NSF: variants seen among roughly 807,000 people sequenced by gnomAD.
NSF encodes vesicle-fusing ATPase.
NSF carries 14 observed loss-of-function variants against 50.3 expected under a neutral mutation model. The ratio of observed to expected loss-of-function variants is 0.28; its 90% CI spans 0.18 to 0.44. NSF has a LOEUF of 0.44. NSF is among the 20% of genes least tolerant of loss of function. The probability of loss-of-function intolerance (pLI) is 1.00; values close to 1 mark genes in which losing one functional copy is unlikely to be tolerated. For missense variants in NSF, 218 were observed against 504.3 expected, an observed-to-expected ratio of 0.43 and a Z score of 5.44; for synonymous variants, 109 against 175.7, an observed-to-expected ratio of 0.62 and a Z score of 3.00.
chr17:46,709,683 T>C (rs1434517413), intron 13 of NSF, among the ~76,000 whole-genome samples: 2 of 152,084 alleles, frequency 1.3e-5, no homozygotes, highest in East Asian at 3.9e-4. Context: ...TTAGTATAGA[T>C]GGGGTTTCAC....
intron 15 of NSF, among the ~76,000 whole-genome samples, chr17:46,717,982 T>G (rs970999351): frequency 6.6e-6 from 1 of 152,200 alleles, no homozygotes; most frequent in Non-Finnish European, 1.5e-5. Context: ...CCAGATCTAC[T>G]TGGGGCTAGT....
chr17:46,748,887 G>C (rs1481324727), intron 17 of NSF, among the ~76,000 whole-genome samples: 1 of 152,182 alleles, frequency 6.6e-6, no homozygotes, highest in African/African-American at 2.4e-5. Context: ...ATAGTACTCT[G>C]CATGGCCTAG....
chr17:46,605,187 C>T (rs1169017463), intron 1 of NSF, among the ~76,000 whole-genome samples: 1 of 68,188 alleles, frequency 1.5e-5, no homozygotes, highest in Non-Finnish European at 3.2e-5. Flanking sequence ...CATGGTGGCT[C>T]ACGCCTGTAA....
chr17:46,735,467 A>G lies in NSF; in HGVS notation c.1908+6533A>G, dbSNP rs982392574. 2.9e-5 allele frequency among the ~76,000 whole-genome samples: 4 copies of G among 139,736 alleles called. No homozygotes were observed. In the South Asian group the frequency reaches 6.8e-4, roughly 24 times the overall value. The allele number at this position is 139,736 out of a possible 152,430, so 91.7% of individuals were successfully genotyped here. Reference sequence around the variant, plus strand: ...ACTCTTTGTATTGAACTTGAGGTTTAAAAAAAAAAAAAAGAAACCTATGTC... The same window carrying G: ...ACTCTTTGTATTGAACTTGAGGTTTGAAAAAAAAAAAAAGAAACCTATGTC... On this transcript the variant is annotated intron_variant, in intron 17 of 20. Transcript: ENST00000398238.
chr17:46,730,708 G>A (rs2058940622), intron 17 of NSF, among the ~76,000 whole-genome samples: 1 of 152,070 alleles, frequency 6.6e-6, no homozygotes, highest in African/African-American at 2.4e-5. Context: ...GGGCTCAAGT[G>A]TTTTCATATT....
chr17:46,662,139 A>G (rs372650479), intron 8 of NSF, among the ~76,000 whole-genome samples: 10 of 12,148 alleles, frequency 8.2e-4, no homozygotes, highest in South Asian at 2.5e-3. Flanking sequence ...CACCGTGCCT[A>G]GCCTTTTGTA....
In NSF at chr17:46,657,976, T is replaced by TA. The variant is rs1358898512; in HGVS notation, c.745+14717_745+14718insA. 1.0e-4 allele frequency among the ~76,000 whole-genome samples: 7 copies of TA among 67,584 alleles called. 1 individual carries two copies. Among genetic ancestry groups the TA allele is most frequent in the East Asian group, 4.9e-3 (2 of 410 alleles). The allele number at this position is 67,584 out of a possible 152,430, so 44.3% of individuals were successfully genotyped here. On this transcript the variant is annotated intron_variant, in intron 8 of 20. Transcript: ENST00000398238. ...TTTTTATTTTATTTTATTTATTTTTTTTTTTTTTGGCGGGGTGGGGTCTTT... is the reference window on the plus strand; with the variant it reads ...TTTTTATTTTATTTTATTTATTTTTTATTTTTTTTGGCGGGGTGGGGTCTTT...
intron 17 of NSF, among the ~76,000 whole-genome samples, chr17:46,733,930 T>TA (rs2058975014): frequency 1.3e-5 from 2 of 152,284 alleles, no homozygotes; most frequent in Admixed American, 6.5e-5. Context: ...AAGAGAGAAA[T>TA]ACAGCTTAAA....
At position 46,751,499 on chromosome 17, in the gene NSF, G is replaced by A. The variant is rs1469363087; in HGVS notation, c.2044-4G>A. 6.2e-7 allele frequency: 1 copy of A among 1,610,344 alleles called. No homozygotes were observed. The highest frequency in any genetic ancestry group is 8.5e-7 in the Non-Finnish European group (1 of 1,176,814). ...GCTTTGATTATTGTTTATTGTTTTT[G>A]TAGCTTTTGGGCAACTTCAAGGATA... On this transcript the variant is annotated splice_region_variant and splice_polypyrimidine_tract_variant and intron_variant, in intron 18 of 20. Transcript: ENST00000398238.
At chr17:46,743,239 T>G (rs1002483870) in intron 17 of NSF, among the ~76,000 whole-genome samples, 1 of 152,184 alleles carries the variant, frequency 6.6e-6, no homozygotes, top group Non-Finnish European at 1.5e-5. Flanking sequence ...GTGTTTGTTT[T>G]TGGGAAGAGA....
intron 19 of NSF, 95 bp from the exon 20 acceptor site, chr17:46,755,219 T>A (rs1177761210): frequency 2.3e-6 from 2 of 865,120 alleles, no homozygotes; most frequent in Non-Finnish European, 3.9e-6. Context: ...AGAGCATTGA[T>A]GAAGTGTGAA....
intron 19 of NSF, among the ~76,000 whole-genome samples, chr17:46,752,346 A>G (rs941194309): frequency 6.6e-6 from 1 of 152,196 alleles, no homozygotes; most frequent in African/African-American, 2.4e-5. Flanking sequence ...GGTAGCTGAT[A>G]AATACCTCCC....
chr17:46,748,033 A>T (rs1419276165), intron 17 of NSF, among the ~76,000 whole-genome samples: 1 of 152,234 alleles, frequency 6.6e-6, no homozygotes, highest in Non-Finnish European at 1.5e-5. Flanking sequence ...AAGATCAAAG[A>T]TCAGATAGCA....
intron 8 of NSF, among the ~76,000 whole-genome samples, chr17:46,655,912 T>A (rs1344990469): frequency 4.6e-5 from 5 of 107,708 alleles, no homozygotes; most frequent in South Asian, 2.7e-4. Flanking sequence ...AATGAATCTT[T>A]AAAAAAAAAA....
chr17:46,721,975 A>G, intron 15 of NSF: 1 of 1,605,552 alleles, frequency 6.2e-7, no homozygotes, highest in Non-Finnish European at 8.5e-7. Flanking sequence ...GAGGAACGGG[A>G]ACAAAGATTA....
At chr17:46,735,989 T>A (rs1162468071) in intron 17 of NSF, among the ~76,000 whole-genome samples, 1 of 152,074 alleles carries the variant, frequency 6.6e-6, no homozygotes, top group African/African-American at 2.4e-5. Flanking sequence ...CCTTTTCAGC[T>A]TGTAAGATAG....
At chr17:46,635,183 G>A (rs2058171606) in intron 4 of NSF, among the ~76,000 whole-genome samples, 1 of 139,766 alleles carries the variant, frequency 7.2e-6, no homozygotes, top group Non-Finnish European at 1.6e-5. Context: ...TGTGGTCCAT[G>A]GATTGGAGTT....
chr17:46,756,329 C>T lies in NSF; in HGVS notation c.*506C>T, dbSNP rs1272956304. The T allele has an allele frequency of 2.6e-5, 4 of 152,452 alleles. No homozygotes were observed. Among genetic ancestry groups the T allele is most frequent in the Non-Finnish European group, 5.9e-5 (4 of 68,242 alleles). The allele number at this position is 152,452 out of a possible 1,614,324, so 9.4% of individuals were successfully genotyped here. On this transcript the variant is annotated 3_prime_UTR_variant, in exon 21 of 21. Transcript: ENST00000398238. ...TCACTGGGTATTTGGTTAAAGGTCT[C>T]CCACAAGACTGGTATTCTCTTTGCC...
intron 17 of NSF, among the ~76,000 whole-genome samples, chr17:46,733,959 G>T (rs1329808979): frequency 6.6e-6 from 1 of 152,208 alleles, no homozygotes; most frequent in Non-Finnish European, 1.5e-5. Context: ...GACCTAAGGT[G>T]TGGACCAATA....
Sources: gnomAD v4.1 joint callset for allele counts (sites outside exome capture counted in the v4.1 genomes callset) on GRCh38, gnomAD v4.1.1 for gene constraint, MANE v1.5 for transcripts, NCBI Gene and HGNC (gene_info 2026-07-23, HGNC 2026-07-21) for gene names.